Variants in NAA15 observed in about 807,000 individuals in gnomAD.
NAA15 encodes the protein N-alpha-acetyltransferase 15, NatA auxiliary subunit.
NAA15 carries 34 observed loss-of-function variants against 114.0 expected under a neutral mutation model. That is an observed-to-expected ratio of 0.30 (90% confidence interval 0.23 to 0.40). The LOEUF (loss-of-function observed/expected upper bound fraction) is 0.40. NAA15 is among the 10% of genes least tolerant of loss of function. The pLI, the probability that NAA15 is intolerant of heterozygous loss-of-function variation, is 1.00. For missense variants in NAA15, 658 were observed against 1,004.5 expected, an observed-to-expected ratio of 0.66 and a Z score of 4.66; for synonymous variants, 340 against 338.0, an observed-to-expected ratio of 1.01 and a Z score of -0.06.
chr4:139,387,948 A>T lies in NAA15; in HGVS notation c.2465A>T (p.Glu822Val). 1 of 1,614,046 alleles carries T rather than the reference A, an allele frequency of 6.2e-7. No homozygotes were observed. The highest frequency in any genetic ancestry group is 8.5e-7 in the Non-Finnish European group (1 of 1,179,952). The change falls in exon 20 of 20, where the codon GAA (glutamate) becomes GTA (valine). Residue 822 changes from glutamate (E) to valine (V), a missense_variant. By Grantham distance (121) the Glu-to-Val change is moderately radical. Transcript: ENST00000296543. The stretch of plus-strand genomic sequence containing the variant: ...CTAGGAGACTGTAAAGAAGCTGCTG[A>T]AATTTATAGAGCAAATTGTCATAAG... The part of the protein sequence containing the change: ...GSLGDCKEAA[E>V]IYRANCHKLF...
At chr4:139,336,805 A>AT (rs1213473409) in intron 2 of NAA15, 43 bp from the exon 3 acceptor site, 8 of 1,187,768 alleles carry the variant, frequency 6.7e-6, no homozygotes, top group Admixed American at 2.5e-5. Flanking sequence ...TTTAATATTT[A>AT]TTTTTTTAAA....
intron 1 of NAA15, among the ~76,000 whole-genome samples, chr4:139,310,836 C>G (rs1746199617): frequency 6.6e-6 from 1 of 151,734 alleles, no homozygotes; most frequent in Non-Finnish European, 1.5e-5. Flanking sequence ...CCAGGCTGGT[C>G]TTGAACTCCA....
chr4:139,357,698 A>G, intron 11 of NAA15, 143 bp downstream of exon 11: 1 of 615,896 alleles, frequency 1.6e-6, no homozygotes, highest in South Asian at 2.1e-5. Flanking sequence ...TACATTTCTC[A>G]GTCCAATTAC....
At chr4:139,380,358 G>A (rs536374405) in intron 17 of NAA15, among the ~76,000 whole-genome samples, 56 of 152,032 alleles carry the variant, frequency 3.7e-4, no homozygotes, top group Non-Finnish European at 5.9e-4. Context: ...TGGAGTATAT[G>A]TATTTTCAAA....
At chr4:139,350,541 A>G (rs565857942) in intron 7 of NAA15, among the ~76,000 whole-genome samples, 1 of 152,306 alleles carries the variant, frequency 6.6e-6, no homozygotes, top group East Asian at 1.9e-4. Context: ...AATAGGCAGG[A>G]TCCTCAGCAG....
At chr4:139,363,660 T>C (rs760291602) in intron 14 of NAA15, among the ~76,000 whole-genome samples, 1 of 152,224 alleles carries the variant, frequency 6.6e-6, no homozygotes, top group East Asian at 1.9e-4. Flanking sequence ...TACATAATTA[T>C]GTGCATATTT....
At chr4:139,330,542 A>C (rs1746966976) in intron 1 of NAA15, among the ~76,000 whole-genome samples, 1 of 152,240 alleles carries the variant, frequency 6.6e-6, no homozygotes, top group Non-Finnish European at 1.5e-5. Flanking sequence ...ACCAGAGGAC[A>C]GAAGTATAAG....
Position 139,371,978 on chromosome 4 carries a change from C to T in NAA15, c.1947+1574C>T, listed in dbSNP as rs1296228921. 2.6e-5 allele frequency among the ~76,000 whole-genome samples: 4 copies of T among 152,070 alleles called. No homozygotes were observed. In the East Asian group the frequency reaches 5.8e-4, roughly 22 times the overall value. ...TTACCCAGGCTGGAGTGCAGTGGCG[C>T]GATCTCGGCTCACTGCAAGCTCCGC... On this transcript the variant is annotated intron_variant, in intron 15 of 19. Transcript: ENST00000296543.
At chr4:139,383,074 G>T (rs55831651) in intron 17 of NAA15, among the ~76,000 whole-genome samples, 1 of 152,022 alleles carries the variant, frequency 6.6e-6, no homozygotes, top group Admixed American at 6.6e-5. Flanking sequence ...TGTATTTGTC[G>T]CAGTACAAAT....
chr4:139,315,078 T>TAGTTTAGTTTAGTTTAGTTTAG (rs1253703101), intron 1 of NAA15, among the ~76,000 whole-genome samples: 2 of 144,990 alleles, frequency 1.4e-5, no homozygotes, highest in African/African-American at 5.2e-5. Flanking sequence ...TAGTTTAGTT[T>TAGTTTAGTTTAGTTTAGTTTAG]TTGAGACGGA....
rs17050752 is a variant in NAA15 at position 139,380,075 on chromosome 4, T to C, written c.2155+1221T>C. Among the ~76,000 whole-genome samples, 1,058 of 152,262 alleles carry C rather than the reference T, an allele frequency of 6.9e-3. 15 individuals are homozygous for C. Among genetic ancestry groups the C allele is most frequent in the African/African-American group, 0.024 (1,007 of 41,542 alleles). On this transcript the variant is annotated intron_variant, in intron 17 of 19. Coordinates refer to ENST00000296543, the MANE Select transcript of NAA15 (RefSeq NM_057175.5). ...AACAACAACAACATCGTTTTGACTT[T>C]CCAGAAAGATTAGACTTAAATTATA...
Position 139,390,637 on chromosome 4 carries a change from T to C in NAA15, c.*2553T>C, listed in dbSNP as rs1042396432. On this transcript the variant is annotated 3_prime_UTR_variant, in exon 20 of 20. Transcript: ENST00000296543. Reference sequence around the variant, plus strand: ...GTAAAGTTCTTTTTGTTTTTCTTTATATTCAGCTACTCTTGTCATTTCTCG... The same window carrying C: ...GTAAAGTTCTTTTTGTTTTTCTTTACATTCAGCTACTCTTGTCATTTCTCG... The C allele has an allele frequency of 2.0e-5, 3 of 152,672 alleles. No homozygotes were observed. The highest frequency in any genetic ancestry group is 7.2e-5 in the African/African-American group (3 of 41,474). 9.5% of individuals were successfully genotyped at this position (152,672 alleles called of 1,614,324 possible).
intron 1 of NAA15, among the ~76,000 whole-genome samples, chr4:139,317,061 T>C (rs925188195): frequency 2.6e-5 from 4 of 151,872 alleles, no homozygotes; most frequent in African/African-American, 7.3e-5. Flanking sequence ...GATGTGCCAG[T>C]ACTTTCTCTC....
intron 1 of NAA15, among the ~76,000 whole-genome samples, chr4:139,314,994 A>AGGTTAG (rs1560952684): frequency 1.7e-5 from 1 of 59,936 alleles, no homozygotes; most frequent in African/African-American, 8.7e-5. Context: ...CGTTCAGTTC[A>AGGTTAG]GTTCAGTTTA....
Position 139,361,938 on chromosome 4 carries a change from G to A in NAA15, c.1753+1G>A, listed in dbSNP as rs1252979910. 6.3e-7 allele frequency: 1 copy of A among 1,596,120 alleles called. No individual in the cohort carries two copies. Among genetic ancestry groups the A allele is most frequent in the Non-Finnish European group, 8.5e-7 (1 of 1,170,436 alleles). On this transcript the variant is annotated splice_donor_variant, in intron 14 of 19. Transcript: ENST00000296543. LOFTEE classifies it high-confidence loss of function. Reference sequence around the variant, plus strand: ...AATAAAGAACACGAAGCTGATACAGGTATAATATTCAGAGTTCTTCTTGTG... The same window carrying A: ...AATAAAGAACACGAAGCTGATACAGATATAATATTCAGAGTTCTTCTTGTG...
chr4:139,344,461 T>C, intron 6 of NAA15, 122 bp downstream of exon 6: 1 of 736,302 alleles, frequency 1.4e-6, no homozygotes, highest in Non-Finnish European at 2.2e-6. Context: ...AATCTATTTC[T>C]TACTCGTGTA....
At chr4:139,373,997 G>A (rs1748514559) in intron 15 of NAA15, among the ~76,000 whole-genome samples, 5 of 152,194 alleles carry the variant, frequency 3.3e-5, no homozygotes, top group Admixed American at 2.0e-4. Context: ...GAGCCACCGC[G>A]CCCAGCCTAG....
Position 139,333,908 on chromosome 4 carries a change from T to A in NAA15, c.55-266T>A, listed in dbSNP as rs146479904. Among the ~76,000 whole-genome samples, 387 of 152,184 alleles carry A rather than the reference T, an allele frequency of 2.5e-3. 2 individuals carry two copies. Among genetic ancestry groups the A allele is most frequent in the African/African-American group, 8.1e-3 (337 of 41,512 alleles). ...AGTGAGTCTCAGTCTTAAAAAAAAATAAATAAAAGAAATTCTATACCATTT... is the reference window on the plus strand; with the variant it reads ...AGTGAGTCTCAGTCTTAAAAAAAAAAAAATAAAAGAAATTCTATACCATTT... On this transcript the variant is annotated intron_variant, in intron 1 of 19. Coordinates refer to ENST00000296543, the MANE Select transcript of NAA15 (RefSeq NM_057175.5).
chr4:139,310,670 A>G (rs1015958873), intron 1 of NAA15, among the ~76,000 whole-genome samples: 1 of 151,498 alleles, frequency 6.6e-6, no homozygotes, highest in Admixed American at 6.6e-5. Context: ...TCAGCCTAGC[A>G]TGCAGTGGCA....
Sources: gnomAD v4.1 joint callset for allele counts (sites outside exome capture counted in the v4.1 genomes callset) on GRCh38, gnomAD v4.1.1 for gene constraint, MANE v1.5 for transcripts, NCBI Gene and HGNC (gene_info 2026-07-23, HGNC 2026-07-21) for gene names.